SH3PXD2A: variants seen among roughly 807,000 people sequenced by gnomAD.
SH3PXD2A encodes SH3 and PX domains 2A, also known as SH3 and PX domain-containing protein 2A.
Under a neutral mutation model 115.2 loss-of-function variants are expected in SH3PXD2A, and 32 were observed. The observed-to-expected ratio is 0.28, with a 90% CI of 0.21 to 0.37. The LOEUF (loss-of-function observed/expected upper bound fraction) is 0.37, where lower values mean the gene tolerates loss of function less well. Among genes scored for constraint, SH3PXD2A ranks in the 10% least tolerant of loss-of-function variants. SH3PXD2A has a pLI of 1.00. For missense variants in SH3PXD2A, 1,328 were observed against 1,498.7 expected, an observed-to-expected ratio of 0.89 and a Z score of 1.88; for synonymous variants, 610 against 629.1, an observed-to-expected ratio of 0.97 and a Z score of 0.45.
intron 2 of SH3PXD2A, among the ~76,000 whole-genome samples, chr10:103,768,330 C>T (rs577090663): frequency 6.6e-6 from 1 of 152,334 alleles, no homozygotes; most frequent in Admixed American, 6.5e-5. Flanking sequence ...GAAGGCCTGA[C>T]CTCGAGCTAG....
intron 2 of SH3PXD2A, among the ~76,000 whole-genome samples, chr10:103,777,243 G>A (rs1405652161): frequency 6.6e-6 from 1 of 152,246 alleles, no homozygotes; most frequent in Non-Finnish European, 1.5e-5. Context: ...TATCACCCCT[G>A]TCACCATTAC....
At position 103,666,975 on chromosome 10, in the gene SH3PXD2A, T is replaced by C. The variant is rs1171998311; in HGVS notation, c.472+1633A>G. Among the ~76,000 whole-genome samples the C allele has an allele frequency of 6.6e-6, 1 of 152,134 alleles. No homozygotes were observed. Among genetic ancestry groups the C allele is most frequent in the African/African-American group, 2.4e-5 (1 of 41,414 alleles). ...AGGTAACGGGTACTTGCCAGCTGGATTGAGAGGCAGCTCAGAGCCCCCTGG... is the reference window on the plus strand; with the variant it reads ...AGGTAACGGGTACTTGCCAGCTGGACTGAGAGGCAGCTCAGAGCCCCCTGG... On this transcript the variant is annotated intron_variant, in intron 7 of 14. Coordinates refer to ENST00000369774, the MANE Select transcript of SH3PXD2A (RefSeq NM_001394015.1). This position sits in a 1 kb window ranked among gnomAD's most constrained non-coding sequence, Gnocchi z 4.5.
chr10:103,636,178 G>T (rs971183539), intron 8 of SH3PXD2A, among the ~76,000 whole-genome samples: 11 of 152,212 alleles, frequency 7.2e-5, no homozygotes, highest in Admixed American at 5.9e-4. Context: ...GGAGGCCGAG[G>T]CAGGCGGATC....
At chr10:103,635,639 C>G (rs767900329) in intron 8 of SH3PXD2A, among the ~76,000 whole-genome samples, 1 of 152,226 alleles carries the variant, frequency 6.6e-6, no homozygotes, top group African/African-American at 2.4e-5. Context: ...ATTCTGGAGT[C>G]TCTAGCCCTG....
At chr10:103,677,233 C>G (rs2037547612) in intron 6 of SH3PXD2A, among the ~76,000 whole-genome samples, 2 of 152,224 alleles carry the variant, frequency 1.3e-5, no homozygotes, top group Non-Finnish European at 2.9e-5. Context: ...GCATCAACGG[C>G]CCCTGGTTGA....
intron 1 of SH3PXD2A, among the ~76,000 whole-genome samples, chr10:103,817,019 T>TC (rs1491389319): frequency 7.1e-4 from 92 of 128,848 alleles, no homozygotes; most frequent in Non-Finnish European, 1.4e-3. Flanking sequence ...TTTTTTTTTT[T>TC]CTGTATTTTT....
intron 2 of SH3PXD2A, among the ~76,000 whole-genome samples, chr10:103,769,449 C>CT (rs33915699): frequency 0.013 from 1,800 of 137,466 alleles, 42 homozygotes; most frequent in African/African-American, 0.037. Flanking sequence ...TCTTCTTCTT[C>CT]TTTTTTTTTT....
At chr10:103,720,017 G>A (rs1295309059) in intron 5 of SH3PXD2A, among the ~76,000 whole-genome samples, 1 of 152,186 alleles carries the variant, frequency 6.6e-6, no homozygotes, top group Non-Finnish European at 1.5e-5. Context: ...ACCGTGCCCG[G>A]CCACACTAGG....
intron 4 of SH3PXD2A, among the ~76,000 whole-genome samples, chr10:103,731,698 C>T (rs917268407): frequency 1.3e-5 from 2 of 152,148 alleles, no homozygotes; most frequent in Non-Finnish European, 2.9e-5. Flanking sequence ...ACAAGGACCA[C>T]AAGAACAACA....
intron 8 of SH3PXD2A, among the ~76,000 whole-genome samples, chr10:103,633,949 C>T (rs2133970624): frequency 6.6e-6 from 1 of 152,254 alleles, no homozygotes; most frequent in African/African-American, 2.4e-5. Flanking sequence ...ATCCCTGGGC[C>T]ACCCACACAA....
chr10:103,665,536 C>T lies in SH3PXD2A; in HGVS notation c.472+3072G>A, dbSNP rs2134068869. ...GCTGTGGGATGGACACACGGACACT[C>T]TGTCCTTCTGGCTGCCCTTCCCTCC... On this transcript the variant is annotated intron_variant, in intron 7 of 14. Coordinates refer to ENST00000369774, the MANE Select transcript of SH3PXD2A (RefSeq NM_001394015.1). The surrounding 1 kb of genome is among the most constrained non-coding windows in gnomAD (Gnocchi z 4.0). Among the ~76,000 whole-genome samples, 1 of 152,380 alleles carries T rather than the reference C, an allele frequency of 6.6e-6. No homozygotes were observed. Among genetic ancestry groups the T allele is most frequent in the African/African-American group, 2.4e-5 (1 of 41,596 alleles).
intron 1 of SH3PXD2A, among the ~76,000 whole-genome samples, chr10:103,827,269 GC>G (rs1298119772): frequency 6.6e-6 from 1 of 152,100 alleles, no homozygotes; most frequent in Non-Finnish European, 1.5e-5. Flanking sequence ...AATTCCTGCT[GC>G]TCCTCAGGCC....
chr10:103,688,196 T>C (rs2037704009), intron 6 of SH3PXD2A, among the ~76,000 whole-genome samples: 1 of 152,170 alleles, frequency 6.6e-6, no homozygotes, highest in Non-Finnish European at 1.5e-5. Flanking sequence ...AGCCTCCCGC[T>C]CTCTGCTCCC....
At chr10:103,782,129 C>T (rs1490436789) in intron 2 of SH3PXD2A, among the ~76,000 whole-genome samples, 3 of 152,104 alleles carry the variant, frequency 2.0e-5, no homozygotes, top group Non-Finnish European at 2.9e-5. Flanking sequence ...ACACTGGGAC[C>T]GAAAGAAGAA....
At chr10:103,841,126 G>GT (rs1438906930) in intron 1 of SH3PXD2A, among the ~76,000 whole-genome samples, 1 of 152,198 alleles carries the variant, frequency 6.6e-6, no homozygotes, top group Non-Finnish European at 1.5e-5. Flanking sequence ...AAAAATAGGA[G>GT]TATGAGGTCG....
rs1367478764 is a variant in SH3PXD2A, at chr10:103,666,254, T to G, written c.472+2354A>C. 6.6e-6 allele frequency among the ~76,000 whole-genome samples: 1 copy of G among 152,188 alleles called. No homozygotes were observed. Among genetic ancestry groups the G allele is most frequent in the African/African-American group, 2.4e-5 (1 of 41,446 alleles). On this transcript the variant is annotated intron_variant, in intron 7 of 14. Transcript: ENST00000369774. This position sits in a 1 kb window ranked among gnomAD's most constrained non-coding sequence, Gnocchi z 4.5. Reference sequence around the variant, plus strand: ...TTCAACACATGTATCGAGCACCCACTAGGCGCCAACACCCAACACCACTGC... The same window carrying G: ...TTCAACACATGTATCGAGCACCCACGAGGCGCCAACACCCAACACCACTGC...
At chr10:103,611,467 C>A (rs2036427405) in intron 13 of SH3PXD2A, 114 bp downstream of exon 13, 2 of 977,678 alleles carry the variant, frequency 2.0e-6, no homozygotes, top group South Asian at 1.3e-5. Flanking sequence ...CCCAGCAGGG[C>A]TCTGGAAAAC....
chr10:103,741,085 C>T (rs2038439256), intron 3 of SH3PXD2A, among the ~76,000 whole-genome samples: 1 of 152,170 alleles, frequency 6.6e-6, no homozygotes, highest in Admixed American at 6.5e-5. Context: ...AAGAGGGGTG[C>T]CTAGAGAAGA....
rs1338043318 is a variant in SH3PXD2A, at chr10:103,746,325, T to G, written c.230-10517A>C. 6.6e-6 allele frequency among the ~76,000 whole-genome samples: 1 copy of G among 152,110 alleles called. No homozygotes were observed. The highest frequency in any genetic ancestry group is 1.5e-5 in the Non-Finnish European group (1 of 68,024). ...CCATTTCTTTCTTTTTTATTTTTAT[T>G]TATTTATTTATTGAGACAGGGTCTT... On this transcript the variant is annotated intron_variant, in intron 3 of 14. Coordinates refer to ENST00000369774, the MANE Select transcript of SH3PXD2A (RefSeq NM_001394015.1). This position sits in a 1 kb window ranked among gnomAD's most constrained non-coding sequence, Gnocchi z 4.4.
Sources: gnomAD v4.1 joint callset for allele counts (sites outside exome capture counted in the v4.1 genomes callset) on GRCh38, gnomAD v4.1.1 for gene constraint, Gnocchi (gnomAD v3.1) non-coding constraint, MANE v1.5 for transcripts, NCBI Gene and HGNC (gene_info 2026-07-23, HGNC 2026-07-21) for gene names.